Variants in GRID2 observed in about 807,000 individuals in gnomAD.
GRID2 encodes the protein glutamate ionotropic receptor delta type subunit 2.
GRID2 carries 33 observed loss-of-function variants against 114.8 expected under a neutral mutation model. The observed-to-expected ratio is 0.29, with a 90% CI of 0.22 to 0.38. GRID2 has a LOEUF of 0.38. Ranked by LOEUF, GRID2 falls within the 10% of genes least tolerant of loss-of-function variation. The probability of loss-of-function intolerance (pLI) is 1.00; values close to 1 mark genes in which losing one functional copy is unlikely to be tolerated. For synonymous variants in GRID2, 505 were observed against 449.9 expected, an observed-to-expected ratio of 1.12 and a Z score of -1.55; for missense variants, 1,184 against 1,257.7, an observed-to-expected ratio of 0.94 and a Z score of 0.89.
chr4:92,334,766 T>C (rs1727078969), intron 1 of GRID2, among the ~76,000 whole-genome samples: 1 of 152,298 alleles, frequency 6.6e-6, no homozygotes, highest in Admixed American at 6.5e-5. Context: ...ATTCAAATCA[T>C]AACAGTACTG....
At chr4:92,406,842 T>C (rs1040902210) in intron 1 of GRID2, among the ~76,000 whole-genome samples, 40 of 151,982 alleles carry the variant, frequency 2.6e-4, no homozygotes, top group Non-Finnish European at 8.8e-5. Flanking sequence ...CTGAGGATAA[T>C]GGCCCTCAGC....
chr4:92,677,644 T>G (rs1200100747), intron 2 of GRID2, among the ~76,000 whole-genome samples: 1 of 152,192 alleles, frequency 6.6e-6, no homozygotes, highest in Non-Finnish European at 1.5e-5. Context: ...TCATTCTGAT[T>G]GATCATGCCA....
chr4:93,570,239 A>T (rs1034757009), intron 13 of GRID2, among the ~76,000 whole-genome samples: 1 of 152,160 alleles, frequency 6.6e-6, no homozygotes, highest in Non-Finnish European at 1.5e-5. Flanking sequence ...GCTCTTGGTC[A>T]TGTGTTATAC....
intron 13 of GRID2, among the ~76,000 whole-genome samples, chr4:93,518,110 A>G (rs906296098): frequency 4.0e-5 from 6 of 150,368 alleles, no homozygotes; most frequent in African/African-American, 1.5e-4. Flanking sequence ...ATATATATAT[A>G]GTAACTGCCT....
At chr4:93,398,654 T>A (rs932658825) in intron 9 of GRID2, among the ~76,000 whole-genome samples, 1 of 151,930 alleles carries the variant, frequency 6.6e-6, no homozygotes, top group South Asian at 2.1e-4. Flanking sequence ...ATACCCCAGG[T>A]TCACCTTCAT....
chr4:93,229,031 TG>T (rs1486523311), intron 7 of GRID2, among the ~76,000 whole-genome samples: 1 of 152,176 alleles, frequency 6.6e-6, no homozygotes, highest in African/African-American at 2.4e-5. Flanking sequence ...TCTGCCCCAG[TG>T]TCACATTTTA....
chr4:92,473,366 T>C (rs1722135608), intron 1 of GRID2, among the ~76,000 whole-genome samples: 1 of 152,114 alleles, frequency 6.6e-6, no homozygotes, highest in Non-Finnish European at 1.5e-5. Context: ...GGTCGTCTTA[T>C]AATAAGGAAA....
chr4:93,541,992 T>A (rs918022662), intron 13 of GRID2, among the ~76,000 whole-genome samples: 4 of 152,212 alleles, frequency 2.6e-5, no homozygotes, highest in Non-Finnish European at 4.4e-5. Context: ...ACTATTTTAC[T>A]TTAGCTTGCC....
chr4:92,564,412 A>G (rs7661131), intron 1 of GRID2, among the ~76,000 whole-genome samples: 3,507 of 152,110 alleles, frequency 0.023, 118 homozygotes, highest in African/African-American at 0.071. Context: ...TAAGCATTAC[A>G]TTAGTACAAA....
intron 4 of GRID2, among the ~76,000 whole-genome samples, chr4:93,170,216 T>C (rs981577004): frequency 6.6e-6 from 1 of 152,122 alleles, no homozygotes; most frequent in Non-Finnish European, 1.5e-5. Flanking sequence ...CTCAAGTTGC[T>C]GGAATTACAG....
At chr4:93,029,521 T>C (rs577955822) in intron 2 of GRID2, among the ~76,000 whole-genome samples, 115 of 152,276 alleles carry the variant, frequency 7.6e-4, no homozygotes, top group Admixed American at 2.9e-3. Context: ...GTGTTTGTTT[T>C]AAGATTTTCC....
At chr4:92,935,412 T>C (rs1466947062) in intron 2 of GRID2, among the ~76,000 whole-genome samples, 6 of 146,138 alleles carry the variant, frequency 4.1e-5, no homozygotes, top group Admixed American at 1.5e-4. Context: ...TGTGGAGAAA[T>C]AGGAACACTT....
chr4:93,348,228 A>T (rs1413781902), intron 8 of GRID2, among the ~76,000 whole-genome samples: 1 of 152,174 alleles, frequency 6.6e-6, no homozygotes, highest in Non-Finnish European at 1.5e-5. Context: ...TATATAACAC[A>T]AGGTCAAACT....
intron 4 of GRID2, among the ~76,000 whole-genome samples, chr4:93,185,922 G>A (rs1393244515): frequency 6.6e-6 from 1 of 151,924 alleles, no homozygotes; most frequent in African/African-American, 2.4e-5. Context: ...ACAGGCCCCA[G>A]TGTGTGATGT....
intron 4 of GRID2, among the ~76,000 whole-genome samples, chr4:93,205,968 G>A (rs1742712387): frequency 6.6e-6 from 1 of 152,012 alleles, no homozygotes; most frequent in Admixed American, 6.6e-5. Context: ...TTTGAGAAGT[G>A]TCTGTTCATA....
intron 14 of GRID2, among the ~76,000 whole-genome samples, chr4:93,704,131 A>G (rs1314151445): frequency 6.6e-6 from 1 of 152,036 alleles, no homozygotes; most frequent in Non-Finnish European, 1.5e-5. Flanking sequence ...AAGTGTTCCT[A>G]TTTCTCCACA....
At chr4:93,362,578 T>G (rs1017193199) in intron 8 of GRID2, among the ~76,000 whole-genome samples, 2 of 152,074 alleles carry the variant, frequency 1.3e-5, no homozygotes, top group African/African-American at 4.8e-5. Context: ...AAGCTTTGCT[T>G]CCCCTTCCAT....
chr4:92,972,203 A>ATT lies in GRID2; in HGVS notation c.245-112780_245-112779dup, dbSNP rs748827964. Among the ~76,000 whole-genome samples, 544 of 140,406 alleles carry ATT rather than the reference A, an allele frequency of 3.9e-3. 3 individuals carry two copies. Among genetic ancestry groups the ATT allele is most frequent in the African/African-American group, 0.013 (500 of 38,572 alleles). 92.1% of individuals were successfully genotyped at this position (140,406 alleles called of 152,430 possible). A position where few individuals can be genotyped will look rare whatever the true frequency, so the allele number is the denominator to read the frequency against. Reference sequence around the variant, plus strand: ...CTCTTTTCGCTTCACCTTTGCTAGCATTTTTTTTTTTTTGTCTTTCTGATA... The same window carrying ATT: ...CTCTTTTCGCTTCACCTTTGCTAGCATTTTTTTTTTTTTTTGTCTTTCTGATA... On this transcript the variant is annotated intron_variant, in intron 2 of 15. Transcript: ENST00000282020.
chr4:92,890,085 C>T (rs1236446700), intron 2 of GRID2, among the ~76,000 whole-genome samples: 1 of 152,016 alleles, frequency 6.6e-6, no homozygotes. Flanking sequence ...GAAACTGGAC[C>T]CCATCCTTAC....
Sources: allele counts gnomAD v4.1 joint callset (sites outside exome capture counted in the v4.1 genomes callset), GRCh38; gene constraint gnomAD v4.1.1; transcripts MANE v1.5; gene names NCBI Gene and HGNC (gene_info 2026-07-23, HGNC 2026-07-21).